DROSHA: variants seen among roughly 807,000 people sequenced by gnomAD.
DROSHA encodes the protein ribonuclease 3.
Under a neutral mutation model 181.9 loss-of-function variants are expected in DROSHA, and 56 were observed. The ratio of observed to expected loss-of-function variants is 0.31; its 90% CI spans 0.25 to 0.38. The LOEUF is 0.38. Among genes scored for constraint, DROSHA ranks in the 10% least tolerant of loss-of-function variants. The probability of loss-of-function intolerance (pLI) is 1.00; values close to 1 mark genes in which losing one functional copy is unlikely to be tolerated. For missense variants in DROSHA, 1,218 were observed against 1,743.5 expected (o/e 0.70, Z 5.37); for synonymous variants, 524 against 591.2 (o/e 0.89, Z 1.65).
rs372868222 is a variant in DROSHA, at chr5:31,515,086, C to T, written c.1192G>A (p.Asp398Asn). Residue 398 changes from aspartate (D) to asparagine (N), a missense_variant, in exon 8 of 36, where the codon GAC (aspartate) becomes AAC (asparagine). Asp to Asn is a conservative substitution (Grantham distance 23). This residue lies in a region of DROSHA where 536 missense variants were observed against 535.4 expected (regional missense o/e 1.00). Transcript: ENST00000344624. Reference protein sequence around the residue: ...KEKEPEETMPDKNEEEEEELL... With the variant: ...KEKEPEETMPNKNEEEEEELL... ...TCTTCTTCTTCCTCCTCATTCTTGT[C>T]AGGCATGGTCTCCTCGGGCTCTTTT... The T allele has an allele frequency of 6.2e-6, 10 of 1,613,984 alleles. No individual in the cohort carries two copies. Among genetic ancestry groups the T allele is most frequent in the Non-Finnish European group, 8.5e-6 (10 of 1,179,888 alleles).
chr5:31,474,432 G>A (rs1455805926), intron 16 of DROSHA, among the ~76,000 whole-genome samples: 5 of 151,696 alleles, frequency 3.3e-5, no homozygotes, highest in Admixed American at 2.0e-4. Flanking sequence ...ATGCCATCAC[G>A]GCTCATCGCA....
At chr5:31,404,752 C>T (rs1740447558) in intron 35 of DROSHA, among the ~76,000 whole-genome samples, 1 of 152,006 alleles carries the variant, frequency 6.6e-6, no homozygotes, top group Non-Finnish European at 1.5e-5. Context: ...CTCCTGGGAA[C>T]CTATTCCACA....
At chr5:31,405,791 T>TTTTC in intron 34 of DROSHA, 68 bp from the exon 35 acceptor site, 1 of 1,121,844 alleles carries the variant, frequency 8.9e-7, no homozygotes, top group African/African-American at 1.9e-5. Context: ...TTTTTTTTTT[T>TTTTC]CAAAAAATGC....
At chr5:31,475,916 G>A (rs1750308841) in intron 16 of DROSHA, among the ~76,000 whole-genome samples, 1 of 152,214 alleles carries the variant, frequency 6.6e-6, no homozygotes, top group South Asian at 2.1e-4. Context: ...ATGGACTGGG[G>A]AGAGCAAATT....
chr5:31,437,282 G>T lies in DROSHA; in HGVS notation c.2899C>A (p.Arg967=), dbSNP rs753511036. Residue 967 remains arginine, a synonymous_variant, in exon 24 of 36, where the codon CGG becomes AGG. Coordinates refer to ENST00000344624, the MANE Select transcript of DROSHA (RefSeq NM_001382508.1). ...PTPSRINHNE[R]LEFLGDAVVE... ...ACAGCATCACCCAGGAATTCCAACC[G>T]TTCATTGTGGTTAATCCTACAATAG... 1.3e-6 allele frequency: 2 copies of T among 1,578,894 alleles called. No individual in the cohort carries two copies. Among genetic ancestry groups the T allele is most frequent in the Non-Finnish European group, 1.7e-6 (2 of 1,161,326 alleles).
At chr5:31,519,408 T>C (rs1303564667) in intron 6 of DROSHA, among the ~76,000 whole-genome samples, 2 of 152,168 alleles carry the variant, frequency 1.3e-5, no homozygotes, top group Non-Finnish European at 2.9e-5. Context: ...CAGAGCAACA[T>C]GTAAGTGTCC....
chr5:31,490,333 T>C (rs1314285846), intron 13 of DROSHA, among the ~76,000 whole-genome samples: 2 of 151,746 alleles, frequency 1.3e-5, no homozygotes, highest in Non-Finnish European at 2.9e-5. Context: ...AGACAGGCAT[T>C]ACCACACCCA....
At chr5:31,487,098 A>C (rs981313038) in intron 13 of DROSHA, among the ~76,000 whole-genome samples, 4 of 152,188 alleles carry the variant, frequency 2.6e-5, no homozygotes, top group Admixed American at 1.3e-4. Flanking sequence ...ACATTTTTTG[A>C]GCCAGGCAGT....
intron 13 of DROSHA, among the ~76,000 whole-genome samples, chr5:31,492,180 T>G (rs1329027300): frequency 6.6e-6 from 1 of 152,238 alleles, no homozygotes; most frequent in African/African-American, 2.4e-5. Flanking sequence ...TATTTTTACA[T>G]TACAATGTAA....
At chr5:31,497,820 C>A (rs1368812448) in intron 11 of DROSHA, among the ~76,000 whole-genome samples, 1 of 152,222 alleles carries the variant, frequency 6.6e-6, no homozygotes, top group Non-Finnish European at 1.5e-5. Flanking sequence ...CCCTTTCCAT[C>A]TGATTCTCCT....
Position 31,514,931 on chromosome 5 carries a change from A to G in DROSHA, c.1290+57T>C. The G allele has an allele frequency of 6.5e-7, 1 of 1,529,560 alleles. No homozygotes were observed. The highest frequency in any genetic ancestry group is 9.0e-7 in the Non-Finnish European group (1 of 1,115,410). 94.7% of individuals were successfully genotyped at this position (1,529,560 alleles called of 1,614,324 possible). ...AAGAATTTATCCAGCCCCAAAGGCCAATAGTGACAACGCCGAGAAGCCCTA... is the reference window on the plus strand; with the variant it reads ...AAGAATTTATCCAGCCCCAAAGGCCGATAGTGACAACGCCGAGAAGCCCTA... On this transcript the variant is annotated intron_variant, in intron 8 of 35. Coordinates refer to ENST00000344624, the MANE Select transcript of DROSHA (RefSeq NM_001382508.1). The surrounding 1 kb of genome is among the most constrained non-coding windows in gnomAD (Gnocchi z 4.4).
At chr5:31,404,660 T>C (rs1259698693) in intron 35 of DROSHA, among the ~76,000 whole-genome samples, 1 of 152,206 alleles carries the variant, frequency 6.6e-6, no homozygotes, top group Non-Finnish European at 1.5e-5. Context: ...CCCTTGCACT[T>C]AAGCCTTCAG....
chr5:31,505,998 GA>G (rs1307849418), intron 10 of DROSHA, among the ~76,000 whole-genome samples: 1 of 152,106 alleles, frequency 6.6e-6, no homozygotes, highest in East Asian at 1.9e-4. Flanking sequence ...CTACCAAAAA[GA>G]AATATTATGT....
intron 21 of DROSHA, among the ~76,000 whole-genome samples, chr5:31,449,627 TG>T (rs1746723737): frequency 6.6e-6 from 1 of 152,064 alleles, no homozygotes; most frequent in Non-Finnish European, 1.5e-5. Flanking sequence ...CTCAAGAGGC[TG>T]AGGTGGGAGG....
chr5:31,408,277 G>T (rs889423745), intron 33 of DROSHA, among the ~76,000 whole-genome samples: 22 of 152,164 alleles, frequency 1.4e-4, no homozygotes, highest in African/African-American at 5.3e-4. Context: ...ATCCACATGG[G>T]GTGAAACAGT....
intron 35 of DROSHA, among the ~76,000 whole-genome samples, chr5:31,405,059 T>C (rs16901092): frequency 0.19 from 28,692 of 152,044 alleles, 2,936 homozygotes; most frequent in East Asian, 0.29. Flanking sequence ...TTTTAGAGAA[T>C]AGAGAAATGT....
At chr5:31,481,633 C>T (rs1380176080) in intron 16 of DROSHA, among the ~76,000 whole-genome samples, 1 of 152,160 alleles carries the variant, frequency 6.6e-6, no homozygotes, top group East Asian at 1.9e-4. Flanking sequence ...CCTTTGAATG[C>T]ATTTCTAAAC....
At chr5:31,493,164 A>T in intron 13 of DROSHA, 43 bp downstream of exon 13, 1 of 1,549,100 alleles carries the variant, frequency 6.5e-7, no homozygotes, top group Non-Finnish European at 8.8e-7. Context: ...GGGATGAAGG[A>T]GGTACAAGGA....
rs184821052 is a variant in DROSHA, at chr5:31,443,589, T to A, written c.2882+4958A>T. On this transcript the variant is annotated intron_variant, in intron 23 of 35. Transcript: ENST00000344624. The stretch of plus-strand genomic sequence containing the variant: ...TTTAGGTGGTTAAACAGTGACATTT[T>A]AAAAATTATGGGTGGCATATTTGCT... Among the ~76,000 whole-genome samples the A allele has an allele frequency of 9.4e-4, 143 of 152,328 alleles. 1 individual carries two copies. Among genetic ancestry groups the A allele is most frequent in the African/African-American group, 2.7e-3 (112 of 41,560 alleles).
Sources: allele counts gnomAD v4.1 joint callset (sites outside exome capture counted in the v4.1 genomes callset), GRCh38; gene constraint gnomAD v4.1.1; regional missense constraint gnomAD v4.1.1; non-coding constraint Gnocchi (gnomAD v3.1); transcripts MANE v1.5; gene names NCBI Gene and HGNC (gene_info 2026-07-23, HGNC 2026-07-21).